The following DFFA variants were observed in gnomAD, a reference collection of about 807,000 sequenced individuals.
DFFA encodes the protein DNA fragmentation factor subunit alpha, also known as DFF45.
Under a neutral mutation model 28.0 loss-of-function variants are expected in DFFA, and 14 were observed. That is an observed-to-expected ratio of 0.50 (90% confidence interval 0.33 to 0.78). DFFA has a LOEUF of 0.78. Among genes scored for constraint, DFFA ranks in the 30% least tolerant of loss-of-function variants. The pLI, the probability that DFFA is intolerant of heterozygous loss-of-function variation, is 0.02. For synonymous variants in DFFA, 158 were observed against 170.3 expected (o/e 0.93, Z 0.56); for missense variants, 395 against 407.1 (o/e 0.97, Z 0.26).
chr1:10,464,096 ATTT>A (rs564849257), intron 3 of DFFA, among the ~76,000 whole-genome samples: 1 of 143,156 alleles, frequency 7.0e-6, no homozygotes, highest in Non-Finnish European at 1.5e-5. Context: ...AATTTTTCTA[ATTT>A]TTTTTTTTTT....
chr1:10,462,734 T>G (rs1640965267), intron 5 of DFFA: 1 of 1,166,726 alleles, frequency 8.6e-7, no homozygotes, highest in Non-Finnish European at 1.1e-6. Context: ...GGACTATAGA[T>G]CTTCTCTGAC....
At chr1:10,464,293 C>T (rs886643629) in intron 3 of DFFA, among the ~76,000 whole-genome samples, 2 of 151,568 alleles carry the variant, frequency 1.3e-5, no homozygotes, top group Non-Finnish European at 2.9e-5. Flanking sequence ...GGGGTTTCAC[C>T]GTGTTAGCCA....
intron 1 of DFFA, among the ~76,000 whole-genome samples, chr1:10,470,991 A>G (rs1452621602): frequency 2.2e-5 from 3 of 137,720 alleles, no homozygotes; most frequent in Admixed American, 8.1e-5. Context: ...TGAACCCGGG[A>G]GGCGGAGCTT....
chr1:10,468,561 A>G (rs553548471), intron 2 of DFFA, among the ~76,000 whole-genome samples: 5 of 152,092 alleles, frequency 3.3e-5, no homozygotes, highest in Admixed American at 3.3e-4. Context: ...TATTATGTCA[A>G]CAAGGCACTG....
At chr1:10,463,259 C>T in intron 4 of DFFA, 50 bp from the exon 5 acceptor site, 1 of 1,595,344 alleles carries the variant, frequency 6.3e-7, no homozygotes, top group Non-Finnish European at 8.6e-7. Flanking sequence ...ACCACACAGC[C>T]ACATGAACAA....
chr1:10,468,638 C>T (rs1046129317), intron 2 of DFFA, among the ~76,000 whole-genome samples: 1 of 152,084 alleles, frequency 6.6e-6, no homozygotes, highest in Non-Finnish European at 1.5e-5. Context: ...CAGACCTCAA[C>T]AGCTGGACTG....
rs370273583 is a variant in DFFA at position 10,467,120 on chromosome 1, G to A, written c.441+70C>T. ...AGAAATTGCTATGGCAAGTATGGAA[G>A]CTAAGAAGGTGCTGGGGCGGGGGGC... On this transcript the variant is annotated intron_variant, in intron 3 of 5. Transcript: ENST00000377038. The A allele has an allele frequency of 2.3e-5, 36 of 1,571,064 alleles. No homozygotes were observed. The East Asian group carries it at 5.6e-4, about 25-fold the overall frequency.
chr1:10,471,749 C>T (rs973625927), intron 1 of DFFA, among the ~76,000 whole-genome samples: 1 of 152,148 alleles, frequency 6.6e-6, no homozygotes, highest in Non-Finnish European at 1.5e-5. Flanking sequence ...ATATTATACC[C>T]AATTTGCTGA....
chr1:10,472,511 G>T lies in DFFA; in HGVS notation c.-53C>A. The T allele has an allele frequency of 1.3e-6, 2 of 1,541,970 alleles. No individual in the cohort carries two copies. Among genetic ancestry groups the T allele is most frequent in the Non-Finnish European group, 1.8e-6 (2 of 1,136,750 alleles). Reference sequence around the variant, plus strand: ...TCGAGAAGTCGCGGGAGGCCGGAGCGGCGGTCCTTCTACTCGACCCCCTTC... The same window carrying T: ...TCGAGAAGTCGCGGGAGGCCGGAGCTGCGGTCCTTCTACTCGACCCCCTTC... On this transcript the variant is annotated 5_prime_UTR_variant, in exon 1 of 6. Transcript: ENST00000377038. The surrounding 1 kb of genome is among the most constrained non-coding windows in gnomAD (Gnocchi z 5.0).
At chr1:10,468,649 C>A (rs1356200172) in intron 2 of DFFA, among the ~76,000 whole-genome samples, 1 of 152,002 alleles carries the variant, frequency 6.6e-6, no homozygotes, top group Non-Finnish European at 1.5e-5. Context: ...AGCTGGACTG[C>A]AGCCTGCAGC....
intron 1 of DFFA, 53 bp from the exon 2 acceptor site, chr1:10,469,391 T>C (rs1482674480): frequency 6.5e-7 from 1 of 1,549,450 alleles, no homozygotes; most frequent in African/African-American, 1.4e-5. Flanking sequence ...GGAAATTACA[T>C]CTATCCCTGC....
chr1:10,464,018 A>T (rs1460378757), intron 3 of DFFA, among the ~76,000 whole-genome samples: 1 of 151,460 alleles, frequency 6.6e-6, no homozygotes, highest in Non-Finnish European at 1.5e-5. Flanking sequence ...CCATTTCAGA[A>T]CTCAATGCAT....
chr1:10,469,403 T>A, intron 1 of DFFA, 65 bp from the exon 2 acceptor site: 14 of 1,475,228 alleles, frequency 9.5e-6, no homozygotes, highest in Non-Finnish European at 1.3e-5. Context: ...TATCCCTGCA[T>A]CTCAAGTATG....
chr1:10,460,844 T>TTA lies in DFFA; in HGVS notation c.*645_*646insTA. 1 of 150,956 alleles carries TTA rather than the reference T, an allele frequency of 6.6e-6. No individual in the cohort carries two copies. The highest frequency in any genetic ancestry group is 1.5e-5 in the Non-Finnish European group (1 of 67,772). 9.4% of individuals were successfully genotyped at this position (150,956 alleles called of 1,614,324 possible). ...CGCTCGGCCTGGCTTTTTTTTTTTT[T>TTA]AACATGTTCCATATGGGGCAGGGCT... On this transcript the variant is annotated 3_prime_UTR_variant, in exon 6 of 6. Coordinates refer to ENST00000377038, the MANE Select transcript of DFFA (RefSeq NM_004401.3).
At chr1:10,467,868 T>C (rs1463379491) in intron 2 of DFFA, among the ~76,000 whole-genome samples, 3 of 152,184 alleles carry the variant, frequency 2.0e-5, no homozygotes, top group African/African-American at 7.2e-5. Flanking sequence ...GAAAAAGCCA[T>C]TTAAACCCAA....
intron 1 of DFFA, among the ~76,000 whole-genome samples, chr1:10,470,750 A>G (rs1430297549): frequency 6.8e-6 from 1 of 146,330 alleles, no homozygotes; most frequent in South Asian, 2.3e-4. Context: ...AAATTCTCCT[A>G]TGTGTAAAAA....
rs1420372461 is a variant in DFFA at position 10,458,823 on chromosome 1, C to T, written c.*2667G>A. Reference sequence around the variant, plus strand: ...AAGTGCTGGGACTGCAGGTGTGAGCCACTGCGCCCGGCCTATTGTGACATA... The same window carrying T: ...AAGTGCTGGGACTGCAGGTGTGAGCTACTGCGCCCGGCCTATTGTGACATA... On this transcript the variant is annotated 3_prime_UTR_variant, in exon 6 of 6. Transcript: ENST00000377038. 1.3e-5 allele frequency: 2 copies of T among 151,822 alleles called. No homozygotes were observed. Among genetic ancestry groups the T allele is most frequent in the Admixed American group, 6.6e-5 (1 of 15,194 alleles). The allele number at this position is 151,822 out of a possible 1,614,324, so 9.4% of individuals were successfully genotyped here.
At chr1:10,462,715 C>A in intron 5 of DFFA, 2 of 1,113,246 alleles carry the variant, frequency 1.8e-6, no homozygotes, top group African/African-American at 1.6e-5. Context: ...CATTGACAGA[C>A]CTCAGGACGG....
In DFFA at chr1:10,457,266, G is replaced by A. The variant is rs1482618179; in HGVS notation, c.*4224C>T. On this transcript the variant is annotated 3_prime_UTR_variant, in exon 6 of 6. Coordinates refer to ENST00000377038, the MANE Select transcript of DFFA (RefSeq NM_004401.3). ...AGTGATCCTTCTGCCTTAGCCTCCC[G>A]AGTATCTAGGATTACAGGCATGTAC... is the stretch of plus-strand genomic sequence containing the variant. 3 of 152,214 alleles carry A rather than the reference G, an allele frequency of 2.0e-5. No homozygotes were observed. Among genetic ancestry groups the A allele is most frequent in the Non-Finnish European group, 4.4e-5 (3 of 68,068 alleles). 9.4% of individuals were successfully genotyped at this position (152,214 alleles called of 1,614,324 possible). A position where few individuals can be genotyped will look rare whatever the true frequency, so the allele number is the denominator to read the frequency against.
Sources: gnomAD v4.1 joint callset for allele counts (sites outside exome capture counted in the v4.1 genomes callset) on GRCh38, gnomAD v4.1.1 for gene constraint, Gnocchi (gnomAD v3.1) non-coding constraint, MANE v1.5 for transcripts, NCBI Gene and HGNC (gene_info 2026-07-23, HGNC 2026-07-21) for gene names.